RIMS1: variants seen among roughly 807,000 people sequenced by gnomAD.
RIMS1 encodes regulating synaptic membrane exocytosis 1.
In RIMS1, 83 loss-of-function variants were observed where a neutral mutation model predicts 214.1. That is an observed-to-expected ratio of 0.39 (90% CI 0.32 to 0.47). The LOEUF (loss-of-function observed/expected upper bound fraction) is 0.47. Ranked by LOEUF, RIMS1 falls within the 20% of genes least tolerant of loss-of-function variation. The pLI is 0.99. For synonymous variants in RIMS1, 793 were observed against 786.8 expected (o/e 1.01, Z -0.13); for missense variants, 2,050 against 2,161.8 (o/e 0.95, Z 1.03).
chr6:72,244,505 T>A (rs939823924), intron 10 of RIMS1, among the ~76,000 whole-genome samples: 1 of 151,864 alleles, frequency 6.6e-6, no homozygotes, highest in African/African-American at 2.4e-5. Flanking sequence ...TGAGGCTGAT[T>A]TTTTAAGAAG....
intron 2 of RIMS1, among the ~76,000 whole-genome samples, chr6:72,082,320 T>C (rs1485226091): frequency 2.6e-5 from 4 of 152,208 alleles, no homozygotes; most frequent in Non-Finnish European, 5.9e-5. Context: ...CATTATAAAA[T>C]AGCTAATATT....
chr6:72,053,489 C>A (rs1283792447), intron 2 of RIMS1, among the ~76,000 whole-genome samples: 3 of 152,124 alleles, frequency 2.0e-5, no homozygotes, highest in African/African-American at 7.2e-5. Context: ...TTGTTTTGAC[C>A]ATGAGATAAG....
At chr6:71,887,251 T>A in intron 1 of RIMS1, 64 bp downstream of exon 1, 1 of 1,541,466 alleles carries the variant, frequency 6.5e-7, no homozygotes, top group Non-Finnish European at 8.8e-7. Context: ...CACCACTCAC[T>A]CCCCTAGTCC....
intron 4 of RIMS1, among the ~76,000 whole-genome samples, chr6:72,118,283 G>A (rs998182080): frequency 6.6e-6 from 1 of 150,792 alleles, no homozygotes; most frequent in Non-Finnish European, 1.5e-5. Context: ...ATTATAGGAG[G>A]TTTTTTCCAC....
At chr6:72,239,673 C>A (rs888292989) in intron 9 of RIMS1, among the ~76,000 whole-genome samples, 6 of 152,194 alleles carry the variant, frequency 3.9e-5, no homozygotes, top group Non-Finnish European at 8.8e-5. Flanking sequence ...GTGCACTCTA[C>A]TGCTACTTCA....
chr6:71,947,702 G>A (rs1788296618), intron 1 of RIMS1, among the ~76,000 whole-genome samples: 1 of 151,892 alleles, frequency 6.6e-6, no homozygotes, highest in Non-Finnish European at 1.5e-5. Flanking sequence ...AAATGTTCTT[G>A]CCACAAGAAA....
At chr6:72,345,493 C>T (rs954108194) in intron 29 of RIMS1, among the ~76,000 whole-genome samples, 3 of 151,700 alleles carry the variant, frequency 2.0e-5, no homozygotes, top group Admixed American at 2.0e-4. Flanking sequence ...TTACAGGTTC[C>T]ATGACTTGTC....
intron 6 of RIMS1, among the ~76,000 whole-genome samples, chr6:72,230,623 ATAGAGT>A (rs2154076969): frequency 6.6e-6 from 1 of 151,624 alleles, no homozygotes; most frequent in South Asian, 2.1e-4. Flanking sequence ...AATTATAGAG[ATAGAGT>A]TACATGTTTA....
intron 29 of RIMS1, among the ~76,000 whole-genome samples, chr6:72,381,068 T>G (rs2098478367): frequency 6.6e-6 from 1 of 152,216 alleles, no homozygotes; most frequent in Non-Finnish European, 1.5e-5. Flanking sequence ...GAGCAGATAT[T>G]TATTTTCTTA....
chr6:71,923,772 C>T (rs1342250752), intron 1 of RIMS1, among the ~76,000 whole-genome samples: 3 of 152,084 alleles, frequency 2.0e-5, no homozygotes, highest in African/African-American at 7.2e-5. Context: ...TCATGTTGAT[C>T]AGGCTGGTCT....
intron 1 of RIMS1, among the ~76,000 whole-genome samples, chr6:71,892,988 G>A (rs13217307): frequency 0.11 from 17,309 of 152,242 alleles, 1,292 homozygotes; most frequent in Non-Finnish European, 0.16. Flanking sequence ...ATGTAAAGTG[G>A]AATTTATAAT....
intron 2 of RIMS1, among the ~76,000 whole-genome samples, chr6:71,970,254 ATGT>A (rs1450789147): frequency 1.3e-5 from 2 of 152,186 alleles, no homozygotes; most frequent in East Asian, 3.8e-4. Context: ...ACTTTAAATG[ATGT>A]TGTCATTTTT....
At chr6:72,341,555 T>C (rs1184943613) in intron 29 of RIMS1, among the ~76,000 whole-genome samples, 3 of 151,840 alleles carry the variant, frequency 2.0e-5, no homozygotes, top group East Asian at 1.9e-4. Flanking sequence ...CTTTAACTTG[T>C]ACTATTGGGT....
chr6:72,121,823 T>C (rs946338138), intron 4 of RIMS1, among the ~76,000 whole-genome samples: 3 of 151,926 alleles, frequency 2.0e-5, no homozygotes, highest in African/African-American at 7.2e-5. Flanking sequence ...TTGAGATATG[T>C]CCTATCAATA....
intron 28 of RIMS1, chr6:72,316,659 G>T: frequency 3.7e-6 from 2 of 547,340 alleles, no homozygotes; most frequent in South Asian, 3.2e-5. Flanking sequence ...AAGCATGGCT[G>T]ACCCAAATGT....
chr6:72,270,915 G>T (rs942862194), intron 22 of RIMS1, among the ~76,000 whole-genome samples: 1 of 152,060 alleles, frequency 6.6e-6, no homozygotes, highest in African/African-American at 2.4e-5. Context: ...GGGAAAGGAG[G>T]TTCCTACCTA....
At chr6:71,894,262 T>G (rs575301230) in intron 1 of RIMS1, among the ~76,000 whole-genome samples, 17 of 152,238 alleles carry the variant, frequency 1.1e-4, no homozygotes, top group African/African-American at 3.4e-4. Flanking sequence ...CTGGCCAACA[T>G]GGTAAAACCC....
At chr6:71,995,784 A>G (rs186938908) in intron 2 of RIMS1, among the ~76,000 whole-genome samples, 15 of 151,950 alleles carry the variant, frequency 9.9e-5, no homozygotes, top group Admixed American at 7.9e-4. Flanking sequence ...TCTGGTATCT[A>G]TCTATTCACA....
At chr6:72,038,118 AATATATATATAT>A (rs70994111) in intron 2 of RIMS1, among the ~76,000 whole-genome samples, 47 of 13,382 alleles carry the variant, frequency 3.5e-3, no homozygotes, top group South Asian at 0.014. Flanking sequence ...AAAAAAAAAA[AATATATATATAT>A]ATATATATAT....
Sources: allele counts gnomAD v4.1 joint callset (sites outside exome capture counted in the v4.1 genomes callset), GRCh38; gene constraint gnomAD v4.1.1; transcripts MANE v1.5; gene names NCBI Gene and HGNC (gene_info 2026-07-23, HGNC 2026-07-21).